The following DPP6 variants were observed in gnomAD, a reference collection of about 807,000 sequenced individuals.
The protein encoded by DPP6 is dipeptidyl peptidase like 6, also known as A-type potassium channel modulatory protein DPP6.
DPP6 carries 69 observed loss-of-function variants against 122.6 expected under a neutral mutation model. The ratio of observed to expected loss-of-function variants is 0.56; its 90% confidence interval spans 0.46 to 0.69. The LOEUF is 0.69. Ranked by LOEUF, DPP6 falls within the 30% of genes least tolerant of loss-of-function variation. The pLI, the probability that DPP6 is intolerant of heterozygous loss-of-function variation, is 0.00. For synonymous variants in DPP6, 418 were observed against 433.1 expected (o/e 0.97, Z 0.43); for missense variants, 928 against 1,116.9 (o/e 0.83, Z 2.41).
chr7:154,767,870 C>T (rs917313328), intron 8 of DPP6, among the ~76,000 whole-genome samples: 3 of 152,208 alleles, frequency 2.0e-5, no homozygotes, highest in African/African-American at 7.2e-5. Flanking sequence ...GCAGCAGACT[C>T]GGCATTGCCT....
chr7:154,781,879 C>T (rs1797050925), intron 10 of DPP6, among the ~76,000 whole-genome samples: 2 of 152,208 alleles, frequency 1.3e-5, no homozygotes, highest in Admixed American at 6.5e-5. Context: ...AAAGAAGTAT[C>T]ACAGCACATT....
At chr7:154,299,852 A>G (rs1279961626) in intron 1 of DPP6, among the ~76,000 whole-genome samples, 1 of 152,190 alleles carries the variant, frequency 6.6e-6, no homozygotes, top group African/African-American at 2.4e-5. Flanking sequence ...GGGCAAGGTG[A>G]GTGTAAATCA....
At chr7:154,580,963 C>T (rs1053225602) in intron 5 of DPP6, among the ~76,000 whole-genome samples, 2 of 152,176 alleles carry the variant, frequency 1.3e-5, no homozygotes, top group African/African-American at 2.4e-5. Context: ...GTGCCTATTG[C>T]GGCCACCTTC....
At chr7:154,466,787 G>A (rs1051362992) in intron 2 of DPP6, among the ~76,000 whole-genome samples, 8 of 152,124 alleles carry the variant, frequency 5.3e-5, no homozygotes, top group Non-Finnish European at 8.8e-5. Flanking sequence ...TCTCTGACCC[G>A]CAAAGATTCA....
At chr7:153,805,203 A>G in the DPP6 span, among the ~76,000 whole-genome samples, 3 of 152,292 alleles carry the variant, frequency 2.0e-5, no homozygotes, top group African/African-American at 7.2e-5. Context: ...TTTCTTTTTC[A>G]TTGGTATAGG....
chr7:154,115,597 A>C (rs2150593945), intron 1 of DPP6, among the ~76,000 whole-genome samples: 1 of 152,286 alleles, frequency 6.6e-6, no homozygotes. Flanking sequence ...GGATTGAAAA[A>C]GTTCACACGG....
the DPP6 span, among the ~76,000 whole-genome samples, chr7:153,828,029 T>A: frequency 6.6e-6 from 1 of 152,164 alleles, no homozygotes; most frequent in African/African-American, 2.4e-5. Context: ...TCTTTGCTTC[T>A]GGCCATGGTG....
At chr7:153,824,874 T>C in the DPP6 span, among the ~76,000 whole-genome samples, 5 of 152,082 alleles carry the variant, frequency 3.3e-5, no homozygotes, top group Admixed American at 3.3e-4. Flanking sequence ...CCCTGAATTC[T>C]AAGGACTAGT....
At position 154,807,172 on chromosome 7, in the gene DPP6, G is replaced by T. The variant is rs1379602579; in HGVS notation, c.1666+60G>T. On this transcript the variant is annotated intron_variant, in intron 16 of 25. Transcript: ENST00000377770. ...CTGGCAGGCACATTTGCAGGGAGGG[G>T]GTGGGCACACTTGCAGGGAGGGGGC... 3.8e-6 allele frequency: 6 copies of T among 1,588,210 alleles called. No individual in the cohort carries two copies. In the South Asian group the frequency reaches 4.5e-5, roughly 12 times the overall value.
At chr7:154,242,631 G>A (rs886100021) in intron 1 of DPP6, among the ~76,000 whole-genome samples, 4 of 152,214 alleles carry the variant, frequency 2.6e-5, no homozygotes, top group Non-Finnish European at 5.9e-5. Flanking sequence ...GTTTGCCCCA[G>A]TGCTCTGCCT....
chr7:153,851,471 A>G, the DPP6 span, among the ~76,000 whole-genome samples: 116 of 152,248 alleles, frequency 7.6e-4, no homozygotes, highest in Middle Eastern at 3.4e-3. Flanking sequence ...TGTCTGAAAC[A>G]TTATGTCTAA....
At chr7:154,026,392 A>C (rs1798956812) in intron 1 of DPP6, 1 of 151,986 alleles carries the variant, frequency 6.6e-6, no homozygotes, top group Non-Finnish European at 1.5e-5. Context: ...TCAGAAAAGT[A>C]AGCTTTTCTG....
At chr7:154,178,214 C>T (rs1312053599) in intron 1 of DPP6, among the ~76,000 whole-genome samples, 1 of 152,152 alleles carries the variant, frequency 6.6e-6, no homozygotes, top group African/African-American at 2.4e-5. Context: ...GAAGATTAAA[C>T]CTTTATACCA....
At chr7:154,270,927 T>G (rs1027612917) in intron 1 of DPP6, among the ~76,000 whole-genome samples, 8 of 152,112 alleles carry the variant, frequency 5.3e-5, no homozygotes, top group Non-Finnish European at 1.5e-5. Context: ...TCCGTGTGGG[T>G]CAACTCTCCT....
chr7:154,058,542 T>G (rs1173689315), intron 1 of DPP6: 1 of 144,786 alleles, frequency 6.9e-6, no homozygotes, highest in African/African-American at 2.6e-5. Flanking sequence ...CCACTGGCTC[T>G]TAGGACCCCC....
chr7:154,524,674 A>G (rs1827261042), intron 3 of DPP6, among the ~76,000 whole-genome samples: 1 of 152,182 alleles, frequency 6.6e-6, no homozygotes, highest in Admixed American at 6.5e-5. Context: ...TCCACTGTGT[A>G]AGAGCTTTTT....
In DPP6 at chr7:154,565,282, C is replaced by T. The variant is rs76163293; in HGVS notation, c.553-1560C>T. ...GCAATGGTTCAGTATCCACTAGTTG[C>T]ACATGAACTAGTGTTCATGATGACT... is the stretch of plus-strand genomic sequence containing the variant. On this transcript the variant is annotated intron_variant, in intron 4 of 25. Coordinates refer to ENST00000377770, the MANE Select transcript of DPP6 (RefSeq NM_130797.4). 2.0e-4 allele frequency among the ~76,000 whole-genome samples: 30 copies of T among 152,312 alleles called. No homozygotes were observed. In the East Asian group the frequency reaches 5.8e-3, roughly 29 times the overall value.
Position 154,243,437 on chromosome 7 carries a change from T to C in DPP6, c.243+190374T>C, listed in dbSNP as rs533482645. ...AGGGAAAGTTGCAGTAGAGAAATTATAACTGTAAAAAATAAAATTTTAGAA... is the reference window on the plus strand; with the variant it reads ...AGGGAAAGTTGCAGTAGAGAAATTACAACTGTAAAAAATAAAATTTTAGAA... On this transcript the variant is annotated intron_variant, in intron 1 of 25. Coordinates refer to ENST00000377770, the MANE Select transcript of DPP6 (RefSeq NM_130797.4). 1.1e-4 allele frequency among the ~76,000 whole-genome samples: 16 copies of C among 152,230 alleles called. No homozygotes were observed. The South Asian group carries it at 3.1e-3, about 30-fold the overall frequency.
At chr7:154,344,664 G>A (rs1365832646) in intron 1 of DPP6, among the ~76,000 whole-genome samples, 3 of 152,152 alleles carry the variant, frequency 2.0e-5, no homozygotes, top group African/African-American at 7.2e-5. Context: ...GGCTGTGGAA[G>A]CTTGTACGAG....
Sources: allele counts gnomAD v4.1 joint callset (sites outside exome capture counted in the v4.1 genomes callset), GRCh38; gene constraint gnomAD v4.1.1; transcripts MANE v1.5; gene names NCBI Gene and HGNC (gene_info 2026-07-23, HGNC 2026-07-21).